The following ANKRD45 variants were observed in gnomAD, a reference collection of about 807,000 sequenced individuals.
ANKRD45 encodes ankyrin repeat domain-containing protein 45.
ANKRD45 carries 21 observed loss-of-function variants against 28.1 expected under a neutral mutation model. The ratio of observed to expected loss-of-function variants is 0.75; its 90% CI spans 0.53 to 1.08. ANKRD45 has a LOEUF of 1.08. Among genes scored for constraint, ANKRD45 ranks in the 50% least tolerant of loss-of-function variants. ANKRD45 has a pLI of 0.00. For synonymous variants in ANKRD45, 86 were observed against 103.9 expected, an observed-to-expected ratio of 0.83 and a Z score of 1.05; for missense variants, 261 against 308.7, an observed-to-expected ratio of 0.85 and a Z score of 1.16.
At chr1:173,634,652 A>AT (rs1045101357) in intron 3 of ANKRD45, among the ~76,000 whole-genome samples, 47 of 151,918 alleles carry the variant, frequency 3.1e-4, no homozygotes, top group Non-Finnish European at 4.7e-4. Flanking sequence ...TGTGATTATA[A>AT]TTTTATTTAG....
intron 3 of ANKRD45, among the ~76,000 whole-genome samples, chr1:173,646,203 C>T (rs1269492997): frequency 6.6e-6 from 1 of 152,060 alleles, no homozygotes; most frequent in Non-Finnish European, 1.5e-5. Context: ...TTAGCAAATT[C>T]AAAATAGTAC....
the ANKRD45 span, among the ~76,000 whole-genome samples, chr1:173,705,493 T>C: frequency 1.4e-5 from 2 of 148,036 alleles, no homozygotes; most frequent in African/African-American, 5.0e-5. Flanking sequence ...TGAAACTCTG[T>C]CTCTATAGAA....
the ANKRD45 span, among the ~76,000 whole-genome samples, chr1:173,691,881 C>A: frequency 2.6e-5 from 4 of 152,194 alleles, no homozygotes; most frequent in Non-Finnish European, 4.4e-5. Context: ...GAGTTCTTAT[C>A]CTTGACGCAC....
At chr1:173,669,464 C>A (rs748146889) in intron 1 of ANKRD45, 2 of 455,622 alleles carry the variant, frequency 4.4e-6, no homozygotes, top group East Asian at 1.4e-4. Flanking sequence ...CAAGGGCAAC[C>A]CTGGGCACAC....
chr1:173,627,218 T>G (rs1453921650), intron 3 of ANKRD45, 59 bp from the exon 4 acceptor site: 8 of 1,172,258 alleles, frequency 6.8e-6, no homozygotes, highest in Non-Finnish European at 1.0e-5. Context: ...CAAAGCAAGA[T>G]AGTCAAATGG....
In ANKRD45 at chr1:173,663,054, A is replaced by AACACACACACACAC. The variant is rs60072209; in HGVS notation, c.-15-3635_-15-3622dup. ...CTGACATCCAACTCCCCACCCTTCC[A>AACACACACACACAC]ACACACACACACACACACACACACA... On this transcript the variant is annotated intron_variant, in intron 1 of 5. Transcript: ENST00000333279. Among the ~76,000 whole-genome samples the AACACACACACACAC allele has an allele frequency of 2.5e-3, 344 of 140,330 alleles. 2 individuals are homozygous for AACACACACACACAC. The highest frequency in any genetic ancestry group is 8.3e-3 in the African/African-American group (317 of 38,080). 92.1% of individuals were successfully genotyped at this position (140,330 alleles called of 152,430 possible). A position where few individuals can be genotyped will look rare whatever the true frequency, so the allele number is the denominator to read the frequency against.
chr1:173,667,536 T>C lies in ANKRD45; in HGVS notation c.-16+2281A>G, dbSNP rs1571788805. On this transcript the variant is annotated intron_variant, in intron 1 of 5. Transcript: ENST00000333279. ...GGCCAATATGGTGAAACCCCGTCTC[T>C]ACTAAAAACACACAAAAAAATTAGT... is the stretch of plus-strand genomic sequence containing the variant. 4.2e-5 allele frequency: 10 copies of C among 236,172 alleles called. No homozygotes were observed. The South Asian group carries it at 4.6e-4, about 11-fold the overall frequency. The allele number at this position is 236,172 out of a possible 1,614,324, so 14.6% of individuals were successfully genotyped here.
At chr1:173,630,491 A>T (rs937454031) in intron 3 of ANKRD45, among the ~76,000 whole-genome samples, 2 of 152,112 alleles carry the variant, frequency 1.3e-5, no homozygotes, top group African/African-American at 4.8e-5. Context: ...TTAAGTTGTC[A>T]TCAGTCTAAA....
chr1:173,706,171 G>A, the ANKRD45 span, among the ~76,000 whole-genome samples: 2 of 151,638 alleles, frequency 1.3e-5, no homozygotes, highest in Admixed American at 6.6e-5. Flanking sequence ...GCATGGTGGC[G>A]TGCGCCTGTA....
At chr1:173,635,533 A>G (rs1445500114) in intron 3 of ANKRD45, 1 of 1,523,222 alleles carries the variant, frequency 6.6e-7, no homozygotes, top group Non-Finnish European at 8.8e-7. Flanking sequence ...TGTCTAATCA[A>G]AGACTACCGC....
intron 1 of ANKRD45, among the ~76,000 whole-genome samples, chr1:173,668,249 C>T (rs10912659): frequency 0.17 from 25,185 of 152,074 alleles, 6,953 homozygotes; most frequent in African/African-American, 0.57. Context: ...AGGATGCTTG[C>T]CCTACTCAAT....
the ANKRD45 span, among the ~76,000 whole-genome samples, chr1:173,683,873 C>T: frequency 4.3e-4 from 65 of 152,238 alleles, no homozygotes; most frequent in Admixed American, 8.5e-4. Flanking sequence ...GAAGGGTGTG[C>T]CCTTACAGAT....
At chr1:173,689,407 T>A in the ANKRD45 span, among the ~76,000 whole-genome samples, 1 of 152,216 alleles carries the variant, frequency 6.6e-6, no homozygotes, top group Admixed American at 6.5e-5. Context: ...GTGGAAAACA[T>A]AAGTTTTGTC....
Position 173,610,950 on chromosome 1 carries a change from C to T in ANKRD45, c.731-735G>A, listed in dbSNP as rs536792238. On this transcript the variant is annotated intron_variant, in intron 5 of 5. Transcript: ENST00000333279. ...TTGCAAACAAGCCCAGATTATCCTCCGTACTTAATCTCTCTTCTCTCCCAC... is the reference window on the plus strand; with the variant it reads ...TTGCAAACAAGCCCAGATTATCCTCTGTACTTAATCTCTCTTCTCTCCCAC... Among the ~76,000 whole-genome samples, 78 of 152,272 alleles carry T rather than the reference C, an allele frequency of 5.1e-4. 3 individuals are homozygous for T. Among genetic ancestry groups the T allele is most frequent in the South Asian group, 8.3e-4 (4 of 4,824 alleles).
chr1:173,712,074 C>A, the ANKRD45 span, among the ~76,000 whole-genome samples: 3 of 152,136 alleles, frequency 2.0e-5, no homozygotes, highest in Non-Finnish European at 4.4e-5. Flanking sequence ...ATAGGAGTCA[C>A]TTTGAAGGTA....
intron 5 of ANKRD45, among the ~76,000 whole-genome samples, chr1:173,612,292 G>GA (rs1248628148): frequency 1.7e-5 from 2 of 117,964 alleles, no homozygotes; most frequent in African/African-American, 6.2e-5. Flanking sequence ...AGGAAAGAAG[G>GA]AAAGAAGGAA....
the ANKRD45 span, among the ~76,000 whole-genome samples, chr1:173,706,537 C>T: frequency 4.6e-5 from 7 of 151,894 alleles, no homozygotes; most frequent in African/African-American, 1.4e-4. Flanking sequence ...CGGGGTTTCA[C>T]CATATTGGCC....
chr1:173,695,022 G>A, the ANKRD45 span, among the ~76,000 whole-genome samples: 1 of 151,964 alleles, frequency 6.6e-6, no homozygotes, highest in African/African-American at 2.4e-5. Flanking sequence ...AATATTACTG[G>A]TAAAATTGAG....
At chr1:173,637,967 C>T (rs1668528883) in intron 3 of ANKRD45, among the ~76,000 whole-genome samples, 1 of 152,174 alleles carries the variant, frequency 6.6e-6, no homozygotes, top group South Asian at 2.1e-4. Flanking sequence ...GTTGGATTCT[C>T]AGCAACGCAG....
Sources: gnomAD v4.1 joint callset for allele counts (sites outside exome capture counted in the v4.1 genomes callset) on GRCh38, gnomAD v4.1.1 for gene constraint, MANE v1.5 for transcripts, NCBI Gene and HGNC (gene_info 2026-07-23, HGNC 2026-07-21) for gene names.